ZNF567: variants seen among roughly 807,000 people sequenced by gnomAD.
ZNF567 encodes zinc finger protein 567.
A neutral mutation model predicts 53.9 loss-of-function variants in ZNF567; 36 were observed. The observed-to-expected ratio is 0.67, with a 90% confidence interval of 0.51 to 0.88. The LOEUF (loss-of-function observed/expected upper bound fraction) is 0.88. Ranked by LOEUF, ZNF567 falls within the 40% of genes least tolerant of loss-of-function variation. The pLI is 0.00. For synonymous variants in ZNF567, 224 were observed against 260.4 expected (o/e 0.86, Z 1.35); for missense variants, 619 against 764.7 (o/e 0.81, Z 2.25).
At position 36,719,097 on chromosome 19, in the gene ZNF567, G is replaced by A; in HGVS notation, c.373G>A (p.Val125Met). 6.2e-7 allele frequency: 1 copy of A among 1,611,418 alleles called. No homozygotes were observed. The highest frequency in any genetic ancestry group is 8.5e-7 in the Non-Finnish European group (1 of 1,179,384). ...GACATTTACTCTAGGCAAAAACCCT[G>A]TGAATTCAAAAAATCTACCTCCTGA... ...EKTFTLGKNP[V>M]NSKNLPPEYD... The change falls in exon 6 of 6, where the codon GTG becomes ATG. Residue 125 changes from valine to methionine, a missense_variant. By Grantham distance (21) the Val-to-Met change is conservative. Coordinates refer to ENST00000682579, the MANE Select transcript of ZNF567 (RefSeq NM_001322917.1).
chr19:36,672,828 A>G, the ZNF567 span, among the ~76,000 whole-genome samples: 1 of 152,230 alleles, frequency 6.6e-6, no homozygotes. Context: ...TCACCCCACC[A>G]GTTAAAGAAC....
At chr19:36,701,860 G>A (rs1302412878) in intron 3 of ZNF567, among the ~76,000 whole-genome samples, 4 of 57,264 alleles carry the variant, frequency 7.0e-5, no homozygotes, top group Admixed American at 1.9e-4. Context: ...GCACACTGAT[G>A]GGTCTTGACT....
chr19:36,677,205 A>G, the ZNF567 span, among the ~76,000 whole-genome samples: 1 of 149,950 alleles, frequency 6.7e-6, no homozygotes, highest in African/African-American at 2.5e-5. Flanking sequence ...CACGCCTGTA[A>G]TCCCAGCACT....
At chr19:36,702,840 A>G (rs536476603) in intron 3 of ZNF567, among the ~76,000 whole-genome samples, 1 of 152,210 alleles carries the variant, frequency 6.6e-6, no homozygotes, top group Admixed American at 6.5e-5. Flanking sequence ...ATTTTTTTCA[A>G]AGTTTTCAAC....
chr19:36,724,418 C>T (rs944561471), downstream of ZNF567, among the ~76,000 whole-genome samples: 1 of 151,836 alleles, frequency 6.6e-6, no homozygotes, highest in Non-Finnish European at 1.5e-5. Flanking sequence ...TGTGGTGGCT[C>T]ATGCCTGTAA....
chr19:36,686,310 CAAGGGAGAAGGGGT>C (rs903072426), upstream of ZNF567: 8 of 152,156 alleles, frequency 5.3e-5, no homozygotes, highest in African/African-American at 1.9e-4. Flanking sequence ...AACCTCAAGG[CAAGGGAGAAGGGGT>C]AAGGAATCAT....
At position 36,720,069 on chromosome 19, in the gene ZNF567, T is replaced by C; in HGVS notation, c.1345T>C (p.Tyr449His). Residue 449 changes from tyrosine (Y) to histidine (H), a missense_variant, in exon 6 of 6, where the codon TAT (tyrosine) becomes CAT (histidine). Tyr to His is a moderately conservative substitution (Grantham distance 83). Transcript: ENST00000682579. ...HEKTHNEEKP[Y>H]ICSECGKSFR... is the part of the protein sequence containing the mutation. ...GAAAACTCATAATGAGGAGAAACCC[T>C]ATATTTGTAGTGAATGTGGAAAGTC... 6.2e-7 allele frequency: 1 copy of C among 1,614,028 alleles called. No individual in the cohort carries two copies. The highest frequency in any genetic ancestry group is 8.5e-7 in the Non-Finnish European group (1 of 1,180,016).
At chr19:36,710,070 C>T (rs2039696107) in intron 3 of ZNF567, among the ~76,000 whole-genome samples, 1 of 152,012 alleles carries the variant, frequency 6.6e-6, no homozygotes, top group Non-Finnish European at 1.5e-5. Flanking sequence ...CTAATTATAT[C>T]CATGTTGGAT....
intron 3 of ZNF567, among the ~76,000 whole-genome samples, chr19:36,705,935 T>G (rs776340056): frequency 5.9e-5 from 9 of 152,190 alleles, no homozygotes; most frequent in Non-Finnish European, 8.8e-5. Context: ...TTTATAGCCA[T>G]TCTAACTTTC....
At chr19:36,709,592 A>C (rs550035626) in intron 3 of ZNF567, among the ~76,000 whole-genome samples, 1 of 151,848 alleles carries the variant, frequency 6.6e-6, no homozygotes, top group East Asian at 1.9e-4. Flanking sequence ...AGCCCCACAA[A>C]GTGCCCGGAT....
the ZNF567 span, among the ~76,000 whole-genome samples, chr19:36,679,082 C>T: frequency 6.6e-6 from 1 of 151,962 alleles, no homozygotes; most frequent in Non-Finnish European, 1.5e-5. Flanking sequence ...GTCAGGAGAT[C>T]GAGACCATCC....
the ZNF567 span, among the ~76,000 whole-genome samples, chr19:36,674,752 T>C: frequency 6.6e-6 from 1 of 152,058 alleles, no homozygotes; most frequent in East Asian, 1.9e-4. Flanking sequence ...TCTAAAGACT[T>C]CTTAAAGCTT....
At chr19:36,706,384 C>T (rs2039487836) in intron 3 of ZNF567, among the ~76,000 whole-genome samples, 1 of 152,180 alleles carries the variant, frequency 6.6e-6, no homozygotes, top group South Asian at 2.1e-4. Flanking sequence ...GCCTCAACAT[C>T]CTGGGCTCAT....
chr19:36,681,861 T>C, the ZNF567 span, among the ~76,000 whole-genome samples: 1 of 152,112 alleles, frequency 6.6e-6, no homozygotes. Flanking sequence ...ATTCCTCTCA[T>C]ATAACTGAAA....
At chr19:36,725,650 T>C (rs2040332756), downstream of ZNF567, among the ~76,000 whole-genome samples, 1 of 152,126 alleles carries the variant, frequency 6.6e-6, no homozygotes, top group South Asian at 2.1e-4. Flanking sequence ...CTACTTTAAG[T>C]CCTTTGTAGT....
intron 5 of ZNF567, among the ~76,000 whole-genome samples, chr19:36,715,509 A>AATTATTATTATTATTATT (rs747530916): frequency 2.2e-5 from 1 of 45,824 alleles, no homozygotes; most frequent in Non-Finnish European, 3.9e-5. Context: ...TAATAATAAT[A>AATTATTATTATTATTATT]ATTATTATTA....
chr19:36,688,954 C>G (rs1298926922), intron 1 of ZNF567, among the ~76,000 whole-genome samples: 1 of 152,066 alleles, frequency 6.6e-6, no homozygotes, highest in Non-Finnish European at 1.5e-5. Flanking sequence ...TAAAAATTAG[C>G]TGGGCATGAT....
At chr19:36,697,601 A>G (rs2038949033) in intron 3 of ZNF567, among the ~76,000 whole-genome samples, 1 of 151,392 alleles carries the variant, frequency 6.6e-6, no homozygotes, top group Non-Finnish European at 1.5e-5. Context: ...CTATAGGATT[A>G]GGATTTTTTT....
Position 36,720,446 on chromosome 19 carries a change from A to G in ZNF567, c.1722A>G (p.Ser574=), listed in dbSNP as rs548379978. 5 of 1,614,066 alleles carry G rather than the reference A, an allele frequency of 3.1e-6. No homozygotes were observed. In the African/African-American group the frequency reaches 5.3e-5, roughly 17 times the overall value. The change falls in exon 6 of 6, where the codon TCA becomes TCG. Residue 574 remains serine (S), a synonymous_variant. Coordinates refer to ENST00000682579, the MANE Select transcript of ZNF567 (RefSeq NM_001322917.1). ...PQCGKAFSRK[S]YLIHHQRTHT... ...GTGGGAAAGCCTTTAGCAGGAAGTC[A>G]TATCTCATTCATCATCAAAGAACTC...
Sources: gnomAD v4.1 joint callset for allele counts (sites outside exome capture counted in the v4.1 genomes callset) on GRCh38, gnomAD v4.1.1 for gene constraint, MANE v1.5 for transcripts, NCBI Gene and HGNC (gene_info 2026-07-23, HGNC 2026-07-21) for gene names.